Variants in ZEB1 observed in about 807,000 individuals in gnomAD.
ZEB1 encodes zinc finger E-box-binding homeobox 1.
ZEB1 carries 21 observed loss-of-function variants against 84.9 expected under a neutral mutation model. The ratio of observed to expected loss-of-function variants is 0.25; its 90% CI spans 0.18 to 0.36. The LOEUF (loss-of-function observed/expected upper bound fraction) is 0.36, where lower values mean the gene tolerates loss of function less well. Among genes scored for constraint, ZEB1 ranks in the 10% least tolerant of loss-of-function variants. The pLI is 1.00. For synonymous variants in ZEB1, 420 were observed against 471.1 expected (o/e 0.89, Z 1.41); for missense variants, 1,104 against 1,330.2 (o/e 0.83, Z 2.65).
At position 31,358,198 on chromosome 10, in the gene ZEB1, T is replaced by TA. The variant is rs1467338051; in HGVS notation, c.58+38907dup. The TA allele has an allele frequency of 1.1e-4, 17 of 152,176 alleles. 1 individual carries two copies. The highest frequency in any genetic ancestry group is 4.1e-4 in the African/African-American group (17 of 41,440). The allele number at this position is 152,176 out of a possible 1,614,324, so 9.4% of individuals were successfully genotyped here. On this transcript the variant is annotated intron_variant, in intron 1 of 8. Transcript: ENST00000424869. ...CATTGACCACTGGGAGAGATGTGGA[T>TA]ATAGAAATCCAATCATGGATCATTA...
intron 1 of ZEB1, 181 bp downstream of exon 1, chr10:31,319,473 C>A (rs1272985201): frequency 9.5e-6 from 6 of 629,648 alleles, no homozygotes; most frequent in Non-Finnish European, 1.4e-5. Flanking sequence ...GCCGGAGCCG[C>A]GCCGCGGCCG....
intron 1 of ZEB1, among the ~76,000 whole-genome samples, chr10:31,433,132 T>C (rs1199766168): frequency 6.6e-6 from 1 of 152,176 alleles, no homozygotes; most frequent in Non-Finnish European, 1.5e-5. Flanking sequence ...AAATCACTGC[T>C]CTCTTGAACT....
chr10:31,368,557 T>G (rs962773711), intron 1 of ZEB1, among the ~76,000 whole-genome samples: 1 of 152,152 alleles, frequency 6.6e-6, no homozygotes, highest in African/African-American at 2.4e-5. Flanking sequence ...ATTTGTATTA[T>G]TTTTTATTGT....
At chr10:31,411,700 TCTC>T (rs2054323521) in intron 1 of ZEB1, among the ~76,000 whole-genome samples, 1 of 149,480 alleles carries the variant, frequency 6.7e-6, no homozygotes, top group African/African-American at 2.5e-5. Context: ...GCTATAAATT[TCTC>T]TCCCACAAGA....
intron 2 of ZEB1, among the ~76,000 whole-genome samples, chr10:31,472,857 A>G (rs1195432655): frequency 7.6e-6 from 1 of 131,116 alleles, no homozygotes; most frequent in Non-Finnish European, 1.5e-5. Context: ...AAGCTTATCC[A>G]CCATGATCAA....
At chr10:31,327,875 CTTTAA>C (rs2035932730) in intron 1 of ZEB1, among the ~76,000 whole-genome samples, 1 of 152,148 alleles carries the variant, frequency 6.6e-6, no homozygotes, top group South Asian at 2.1e-4. Context: ...CTGATAGTTG[CTTTAA>C]TTTATGTTTC....
At chr10:31,366,300 C>A (rs2044474855) in intron 1 of ZEB1, among the ~76,000 whole-genome samples, 1 of 152,110 alleles carries the variant, frequency 6.6e-6, no homozygotes. Context: ...TCCTCACTGC[C>A]AATTAATTAA....
chr10:31,373,397 A>G (rs1020158017), intron 1 of ZEB1, among the ~76,000 whole-genome samples: 5 of 151,898 alleles, frequency 3.3e-5, no homozygotes, highest in African/African-American at 1.2e-4. Context: ...GTATAAAAGT[A>G]TGGAAAATCA....
At chr10:31,464,039 AGT>A (rs1446430498) in intron 2 of ZEB1, among the ~76,000 whole-genome samples, 1 of 152,238 alleles carries the variant, frequency 6.6e-6, no homozygotes, top group African/African-American at 2.4e-5. Context: ...AAATAAAACC[AGT>A]GTGTTTTAAG....
intron 1 of ZEB1, among the ~76,000 whole-genome samples, chr10:31,368,647 A>G (rs1564616959): frequency 6.6e-6 from 1 of 152,298 alleles, no homozygotes; most frequent in East Asian, 1.9e-4. Context: ...ATGTAATTCA[A>G]GTAAAACTCG....
Position 31,521,025 on chromosome 10 carries a change from G to T in ZEB1, c.1693G>T (p.Ala565Ser). 6.2e-7 allele frequency: 1 copy of T among 1,614,032 alleles called. No individual in the cohort carries two copies. Residue 565 changes from alanine to serine, a missense_variant, in exon 7 of 9, where the codon GCA becomes TCA. Around this residue, in one of 7 missense-constraint regions of ZEB1, gnomAD observed 531 missense variants for 575.2 expected, o/e 0.92. Transcript: ENST00000424869. ...QPTQPPPLPA[A>S]EAEKPESSVS... Reference sequence around the variant, plus strand: ...TACTCAGCCTCCTCCACTCCCTGCAGCAGAAGCTGAGAAGCCTGAGTCCTC... The same window carrying T: ...TACTCAGCCTCCTCCACTCCCTGCATCAGAAGCTGAGAAGCCTGAGTCCTC...
chr10:31,450,896 G>A (rs568160128), intron 1 of ZEB1, among the ~76,000 whole-genome samples: 94 of 151,996 alleles, frequency 6.2e-4, no homozygotes, highest in Middle Eastern at 3.4e-3. Context: ...GTGTGCGTGC[G>A]TGCGCATGTG....
At chr10:31,485,634 TG>T (rs1310959133) in intron 2 of ZEB1, among the ~76,000 whole-genome samples, 1 of 151,894 alleles carries the variant, frequency 6.6e-6, no homozygotes, top group Non-Finnish European at 1.5e-5. Flanking sequence ...CCTATTCTTC[TG>T]GATTTCTACT....
intron 2 of ZEB1, among the ~76,000 whole-genome samples, chr10:31,472,235 G>C (rs1222142140): frequency 1.3e-5 from 2 of 151,768 alleles, no homozygotes; most frequent in East Asian, 3.9e-4. Context: ...AGGAAATAGA[G>C]ACACAAAAAA....
In ZEB1 at chr10:31,461,148, C is replaced by T. The variant is rs774967314; in HGVS notation, c.170C>T (p.Pro57Leu). The T allele has an allele frequency of 8.7e-5, 141 of 1,613,330 alleles. No individual in the cohort carries two copies. Among genetic ancestry groups the T allele is most frequent in the Non-Finnish European group, 1.2e-4 (140 of 1,179,714 alleles). ...VTDAADCEGVPEDDLPTDQTV... is the reference protein window; with the variant it reads ...VTDAADCEGVLEDDLPTDQTV... ...GATGCAGCTGACTGTGAAGGTGTAC[C>T]AGAGGATGACCTGCCAACAGACCAG... is the stretch of plus-strand genomic sequence containing the variant. Residue 57 changes from proline to leucine, a missense_variant, in exon 2 of 9, where the codon CCA (proline) becomes CTA (leucine). By Grantham distance (98) the Pro-to-Leu change is moderately conservative (BLOSUM62 -3). Around this residue, in one of 7 missense-constraint regions of ZEB1, gnomAD observed 162 missense variants for 184.5 expected, o/e 0.88. Transcript: ENST00000424869.
rs1005207445 is a variant in ZEB1 at position 31,321,946 on chromosome 10, C to T, written c.58+2654C>T. ...TCTCAAGGGAGGGATTTATTTACCA[C>T]GCTTGCTGTCAGTGTTTTTCCTTTG... On this transcript the variant is annotated intron_variant, in intron 1 of 8. Coordinates refer to ENST00000424869, the MANE Select transcript of ZEB1 (RefSeq NM_001174096.2). 13 of 231,866 alleles carry T rather than the reference C, an allele frequency of 5.6e-5. No individual in the cohort carries two copies. In the Admixed American group the frequency reaches 6.6e-4, roughly 12 times the overall value. 14.4% of individuals were successfully genotyped at this position (231,866 alleles called of 1,614,324 possible).
intron 2 of ZEB1, among the ~76,000 whole-genome samples, chr10:31,480,112 G>A (rs1167573931): frequency 6.6e-6 from 1 of 151,910 alleles, no homozygotes; most frequent in Non-Finnish European, 1.5e-5. Context: ...CAACATGTTA[G>A]CTATTTCTTA....
chr10:31,416,252 A>G (rs1402959100), intron 1 of ZEB1, among the ~76,000 whole-genome samples: 1 of 152,158 alleles, frequency 6.6e-6, no homozygotes, highest in African/African-American at 2.4e-5. Flanking sequence ...AGTTCTAAAT[A>G]TATTTATAAG....
intron 1 of ZEB1, among the ~76,000 whole-genome samples, chr10:31,393,973 G>A (rs1272196417): frequency 6.6e-6 from 1 of 152,114 alleles, no homozygotes; most frequent in Non-Finnish European, 1.5e-5. Context: ...AATATATTCA[G>A]TCATCAAATC....
Sources: allele counts gnomAD v4.1 joint callset (sites outside exome capture counted in the v4.1 genomes callset), GRCh38; gene constraint gnomAD v4.1.1; regional missense constraint gnomAD v4.1.1; transcripts MANE v1.5; gene names NCBI Gene and HGNC (gene_info 2026-07-23, HGNC 2026-07-21).